Variants in CSMD1 observed in about 807,000 individuals in gnomAD.
CSMD1 encodes the protein CUB and Sushi multiple domains 1.
Under a neutral mutation model 417.5 loss-of-function variants are expected in CSMD1, and 213 were observed. That is an observed-to-expected ratio of 0.51 (90% confidence interval 0.46 to 0.57). The LOEUF (loss-of-function observed/expected upper bound fraction) is 0.57. Among genes scored for constraint, CSMD1 ranks in the 20% least tolerant of loss-of-function variants. The pLI, the probability that CSMD1 is intolerant of heterozygous loss-of-function variation, is 0.00. For synonymous variants in CSMD1, 2,862 were observed against 1,736.8 expected (o/e 1.65, Z -16.11); for missense variants, 6,923 against 4,529.7 (o/e 1.53, Z -15.17).
In CSMD1 at chr8:4,020,944, T is replaced by C. The variant is rs572857563; in HGVS notation, c.610+10961A>G. On this transcript the variant is annotated intron_variant, in intron 4 of 69. Transcript: ENST00000635120. The stretch of plus-strand genomic sequence containing the variant: ...CTTAAAGGGAAGAATTTCCAACACA[T>C]TGTGACGTGGACTTTGATATCTCAG... Among the ~76,000 whole-genome samples the C allele has an allele frequency of 2.6e-5, 4 of 152,314 alleles. No homozygotes were observed. The South Asian group carries it at 8.3e-4, about 32-fold the overall frequency.
intron 17 of CSMD1, 96 bp downstream of exon 17, chr8:3,396,098 T>C (rs772556183): frequency 6.7e-6 from 7 of 1,049,758 alleles, no homozygotes; most frequent in Non-Finnish European, 9.9e-6. Context: ...ATCAGTAAAC[T>C]AGCACAGTCA....
intron 26 of CSMD1, among the ~76,000 whole-genome samples, chr8:3,258,486 C>G (rs1800818618): frequency 6.6e-6 from 1 of 152,134 alleles, no homozygotes; most frequent in South Asian, 2.1e-4. Context: ...CACTTAAATA[C>G]TGTTTGTGCA....
chr8:4,213,893 C>G (rs1453499889), intron 3 of CSMD1, among the ~76,000 whole-genome samples: 1 of 152,186 alleles, frequency 6.6e-6, no homozygotes, highest in Non-Finnish European at 1.5e-5. Flanking sequence ...CCTACAGATA[C>G]TAATGAATGA....
chr8:3,505,542 G>A (rs923582916), intron 10 of CSMD1, among the ~76,000 whole-genome samples: 1 of 152,086 alleles, frequency 6.6e-6, no homozygotes, highest in Non-Finnish European at 1.5e-5. Context: ...GACAATAATA[G>A]GAATACGTCA....
At position 2,978,763 on chromosome 8, in the gene CSMD1, G is replaced by A. The variant is rs61743129; in HGVS notation, c.8415C>T (p.Ala2805=). The part of the protein sequence containing the change: ...NCSDPGFVEN[A]IRHGQQNFPE... ...GGAAGTTCTGTTGCCCGTGACGAAT[G>A]GCATTTTCCACAAAGCCTGGATCAG... The change falls in exon 55 of 70, where the codon GCC becomes GCT. Residue 2805 remains alanine (A), a synonymous_variant. Coordinates refer to ENST00000635120, the MANE Select transcript of CSMD1 (RefSeq NM_033225.6). The A allele has an allele frequency of 4.0e-3, 6,410 of 1,613,336 alleles. 246 individuals carry two copies. In the African/African-American group the frequency reaches 0.079, roughly 20 times the overall value.
chr8:3,007,584 T>C (rs1010668072), intron 52 of CSMD1, among the ~76,000 whole-genome samples: 1 of 151,254 alleles, frequency 6.6e-6, no homozygotes, highest in Non-Finnish European at 1.5e-5. Flanking sequence ...TGGAATACTA[T>C]GCAGCCATAA....
chr8:3,089,923 G>T (rs1208203947), intron 48 of CSMD1, among the ~76,000 whole-genome samples: 1 of 152,256 alleles, frequency 6.6e-6, no homozygotes, highest in African/African-American at 2.4e-5. Context: ...AGGCTACTAA[G>T]AATTTCTCTG....
At chr8:2,942,787 A>T (rs1801977678) in intron 68 of CSMD1, among the ~76,000 whole-genome samples, 183 bp from the exon 69 acceptor site, 1 of 152,202 alleles carries the variant, frequency 6.6e-6, no homozygotes, top group Non-Finnish European at 1.5e-5. Flanking sequence ...GGGACAAAAA[A>T]CTGACTATTT....
At chr8:3,727,107 T>C (rs1487195429) in intron 6 of CSMD1, among the ~76,000 whole-genome samples, 1 of 152,206 alleles carries the variant, frequency 6.6e-6, no homozygotes, top group Non-Finnish European at 1.5e-5. Context: ...CTTACTACTA[T>C]CCCATAATAC....
At chr8:4,159,681 C>A (rs974866209) in intron 3 of CSMD1, among the ~76,000 whole-genome samples, 1 of 152,132 alleles carries the variant, frequency 6.6e-6, no homozygotes, top group African/African-American at 2.4e-5. Flanking sequence ...CTCCCCCTCC[C>A]GGGTTCACGC....
chr8:3,249,347 C>T (rs980944962), intron 26 of CSMD1, among the ~76,000 whole-genome samples: 1 of 152,054 alleles, frequency 6.6e-6, no homozygotes, highest in Non-Finnish European at 1.5e-5. Context: ...CTCAGCCACC[C>T]GAGGAGCTGC....
At chr8:3,957,128 C>T (rs2740850) in intron 5 of CSMD1, among the ~76,000 whole-genome samples, 68,842 of 151,564 alleles carry the variant, frequency 0.45, 16,407 homozygotes, top group East Asian at 0.73. Context: ...GCTCCTAATG[C>T]CCTGCCTCTT....
chr8:4,548,982 G>A (rs989178661), intron 2 of CSMD1, among the ~76,000 whole-genome samples: 1 of 152,102 alleles, frequency 6.6e-6, no homozygotes, highest in Non-Finnish European at 1.5e-5. Context: ...AGACGCAATT[G>A]TATTTTTTTA....
At chr8:4,609,133 C>T (rs987452364) in intron 2 of CSMD1, among the ~76,000 whole-genome samples, 7 of 152,182 alleles carry the variant, frequency 4.6e-5, no homozygotes, top group Non-Finnish European at 8.8e-5. Flanking sequence ...GATGCGCTGG[C>T]TCATGCATGT....
intron 5 of CSMD1, among the ~76,000 whole-genome samples, chr8:3,794,218 C>T (rs79869161): frequency 0.016 from 2,377 of 152,256 alleles, 62 homozygotes; most frequent in African/African-American, 0.053. Context: ...GGGTTTCCTT[C>T]TTGGGACAAT....
chr8:4,058,285 T>C (rs1164307657), intron 3 of CSMD1, among the ~76,000 whole-genome samples: 1 of 152,122 alleles, frequency 6.6e-6, no homozygotes, highest in Non-Finnish European at 1.5e-5. Flanking sequence ...TATTTTATTC[T>C]CTTTGAAGCA....
intron 5 of CSMD1, among the ~76,000 whole-genome samples, chr8:3,843,130 A>G (rs900310882): frequency 1.3e-5 from 2 of 152,182 alleles, no homozygotes; most frequent in African/African-American, 4.8e-5. Flanking sequence ...AAATGATTCC[A>G]TAGCACATCT....
chr8:4,084,647 G>A (rs907754395), intron 3 of CSMD1, among the ~76,000 whole-genome samples: 2 of 152,174 alleles, frequency 1.3e-5, no homozygotes, highest in African/African-American at 4.8e-5. Flanking sequence ...TTTAGTGATG[G>A]CACAACATTA....
At chr8:4,037,593 T>C (rs893146287) in intron 3 of CSMD1, among the ~76,000 whole-genome samples, 3 of 133,114 alleles carry the variant, frequency 2.3e-5, no homozygotes, top group African/African-American at 8.9e-5. Context: ...GGGATTGCAA[T>C]GGAAAGGAGA....
Sources: gnomAD v4.1 joint callset for allele counts (sites outside exome capture counted in the v4.1 genomes callset) on GRCh38, gnomAD v4.1.1 for gene constraint, MANE v1.5 for transcripts, NCBI Gene and HGNC (gene_info 2026-07-23, HGNC 2026-07-21) for gene names.